CHLSN: variants seen among roughly 807,000 people sequenced by gnomAD.
CHLSN encodes the protein cholesin.
At chr7:1,075,396 C>T in the CHLSN span, among the ~76,000 whole-genome samples, 4 of 151,610 alleles carry the variant, frequency 2.6e-5, no homozygotes, top group South Asian at 2.1e-4. Context: ...TACAGGCAGG[C>T]GCCTGTAATC....
chr7:1,079,833 A>G, the CHLSN span, among the ~76,000 whole-genome samples: 18 of 152,342 alleles, frequency 1.2e-4, no homozygotes, highest in Non-Finnish European at 2.2e-4. Context: ...AGTGGCGCCC[A>G]TGCTTTCTAG....
At chr7:1,023,670 CACACACA>C in the CHLSN span, among the ~76,000 whole-genome samples, 4 of 107,956 alleles carry the variant, frequency 3.7e-5, no homozygotes, top group African/African-American at 1.2e-4. This position sits in a 1 kb window ranked among gnomAD's most constrained non-coding sequence, Gnocchi z 5.0. Context: ...CACACACACA[CACACACA>C]CCAGCAACGC....
the CHLSN span, chr7:1,026,027 G>A: frequency 1.3e-5 from 2 of 152,206 alleles, no homozygotes; most frequent in East Asian, 1.9e-4. Context: ...CCTGGAACTC[G>A]TGACCCCAGA....
At chr7:1,110,809 G>A in the CHLSN span, among the ~76,000 whole-genome samples, 2 of 151,324 alleles carry the variant, frequency 1.3e-5, no homozygotes, top group African/African-American at 2.4e-5. Flanking sequence ...CAATAGAAGT[G>A]GTTAAAAAAA....
the CHLSN span, among the ~76,000 whole-genome samples, chr7:1,103,639 C>A: frequency 6.6e-6 from 1 of 152,202 alleles, no homozygotes; most frequent in East Asian, 1.9e-4. Context: ...CAAATTTAAA[C>A]CCAACTTCAG....
chr7:1,042,028 G>A, the CHLSN span, among the ~76,000 whole-genome samples: 1 of 152,180 alleles, frequency 6.6e-6, no homozygotes, highest in Non-Finnish European at 1.5e-5. Context: ...CCTCGGCAGT[G>A]CGCGGGGCTG....
chr7:1,078,285 G>A, the CHLSN span, among the ~76,000 whole-genome samples: 5,571 of 152,200 alleles, frequency 0.037, 325 homozygotes, highest in African/African-American at 0.12. Flanking sequence ...GGGCACGCCT[G>A]GAGAGCGTAT....
chr7:999,697 G>A, the CHLSN span, among the ~76,000 whole-genome samples: 1 of 152,220 alleles, frequency 6.6e-6, no homozygotes, highest in African/African-American at 2.4e-5. Flanking sequence ...GCAAACACAG[G>A]CACGGCAGGA....
At chr7:1,007,426 C>A in the CHLSN span, among the ~76,000 whole-genome samples, 392 of 152,338 alleles carry the variant, frequency 2.6e-3, 2 homozygotes, top group African/African-American at 8.8e-3. Flanking sequence ...AGCCCCCAGG[C>A]TGAGGACACT....
the CHLSN span, among the ~76,000 whole-genome samples, chr7:1,000,963 T>G: frequency 6.6e-6 from 1 of 152,180 alleles, no homozygotes; most frequent in African/African-American, 2.4e-5. Context: ...AACAATACCC[T>G]GAGTCCCAGG....
chr7:989,873 G>A, the CHLSN span, among the ~76,000 whole-genome samples: 3 of 151,186 alleles, frequency 2.0e-5, no homozygotes, highest in Non-Finnish European at 4.4e-5. Flanking sequence ...GCTGGGGGCG[G>A]TGTGGTCGGC....
chr7:1,121,325 C>T, the CHLSN span, among the ~76,000 whole-genome samples: 5 of 152,102 alleles, frequency 3.3e-5, no homozygotes, highest in South Asian at 6.2e-4. Flanking sequence ...AAAAACAATT[C>T]GGGCTCCCAG....
the CHLSN span, among the ~76,000 whole-genome samples, chr7:1,103,644 C>T: frequency 6.6e-6 from 1 of 152,260 alleles, no homozygotes; most frequent in Non-Finnish European, 1.5e-5. Context: ...TTAAACCCAA[C>T]TTCAGAAATT....
chr7:988,588 G>A, the CHLSN span: 1 of 1,599,638 alleles, frequency 6.3e-7, no homozygotes, highest in Non-Finnish European at 8.5e-7. Context: ...CTCCCCTCCA[G>A]GAGCAGGCCT....
chr7:1,083,463 A>G, the CHLSN span, among the ~76,000 whole-genome samples: 1 of 151,870 alleles, frequency 6.6e-6, no homozygotes, highest in Non-Finnish European at 1.5e-5. Context: ...TCTCTACTAA[A>G]AAAAAATACA....
chr7:1,052,420 A>C, the CHLSN span, among the ~76,000 whole-genome samples: 1 of 150,132 alleles, frequency 6.7e-6, no homozygotes, highest in Admixed American at 6.6e-5. This position sits in a 1 kb window ranked among gnomAD's most constrained non-coding sequence, Gnocchi z 4.2. Flanking sequence ...GGTCTTGAGG[A>C]GTCGTGGGGG....
At chr7:1,036,827 C>T in the CHLSN span, among the ~76,000 whole-genome samples, 39 of 148,368 alleles carry the variant, frequency 2.6e-4, 4 homozygotes, top group Admixed American at 9.4e-4. Flanking sequence ...CAAAGCCAGA[C>T]GGCCAAGCGT....
the CHLSN span, among the ~76,000 whole-genome samples, chr7:1,132,191 AAAGAGATAAT>A: frequency 2.0e-5 from 3 of 152,238 alleles, no homozygotes; most frequent in African/African-American, 7.2e-5. Flanking sequence ...GGCAAAAGAA[AAAGAGATAAT>A]AAATTGGACT....
chr7:1,039,156 C>T, the CHLSN span, among the ~76,000 whole-genome samples: 1 of 33,202 alleles, frequency 3.0e-5, no homozygotes, highest in African/African-American at 1.9e-4. Flanking sequence ...AGCCCCTCTG[C>T]CCGGCCAGCC....
Sources: gnomAD v4.1 joint callset for allele counts (sites outside exome capture counted in the v4.1 genomes callset) on GRCh38, gnomAD v4.1.1 for gene constraint, Gnocchi (gnomAD v3.1) non-coding constraint, MANE v1.5 for transcripts, NCBI Gene and HGNC (gene_info 2026-07-23, HGNC 2026-07-21) for gene names.